EML6: variants seen among roughly 807,000 people sequenced by gnomAD.
EML6 encodes echinoderm microtubule-associated protein-like 6.
A neutral mutation model predicts 240.1 loss-of-function variants in EML6; 154 were observed. That is an observed-to-expected ratio of 0.64 (90% CI 0.56 to 0.73). The LOEUF (loss-of-function observed/expected upper bound fraction) is 0.73. Among genes scored for constraint, EML6 ranks in the 30% least tolerant of loss-of-function variants. The pLI, the probability that EML6 is intolerant of heterozygous loss-of-function variation, is 0.00. For synonymous variants in EML6, 1,148 were observed against 899.0 expected (o/e 1.28, Z -4.95); for missense variants, 2,964 against 2,474.6 (o/e 1.20, Z -4.20).
chr2:54,955,476 T>C (rs1315329620), intron 32 of EML6, among the ~76,000 whole-genome samples: 2 of 152,186 alleles, frequency 1.3e-5, no homozygotes, highest in Non-Finnish European at 2.9e-5. Flanking sequence ...GTCAGAAAGC[T>C]CTTGCGTAAA....
chr2:54,837,534 T>G (rs1669217744), intron 7 of EML6, among the ~76,000 whole-genome samples: 1 of 152,196 alleles, frequency 6.6e-6, no homozygotes, highest in Admixed American at 6.5e-5. Context: ...CTTGTTTATC[T>G]CAAAGTCGAC....
chr2:54,905,529 A>G (rs916542280), intron 24 of EML6, among the ~76,000 whole-genome samples: 2 of 152,190 alleles, frequency 1.3e-5, no homozygotes, highest in Admixed American at 1.3e-4. Context: ...ATTATTTTGA[A>G]TTGTGAAGTA....
At chr2:54,963,741 A>C (rs1676627954) in intron 36 of EML6, among the ~76,000 whole-genome samples, 1 of 152,216 alleles carries the variant, frequency 6.6e-6, no homozygotes. Context: ...AGTGGGTGCT[A>C]CCTAATCATT....
chr2:54,851,227 G>C (rs1670067740), intron 10 of EML6, among the ~76,000 whole-genome samples: 1 of 152,080 alleles, frequency 6.6e-6, no homozygotes, highest in South Asian at 2.1e-4. Flanking sequence ...TGGCCAACAT[G>C]GTGAAGTCCC....
At chr2:54,817,033 T>C in intron 4 of EML6, 148 bp downstream of exon 4, 1 of 588,834 alleles carries the variant, frequency 1.7e-6, no homozygotes, top group Admixed American at 2.8e-5. Flanking sequence ...TTTTTCATGA[T>C]TAATAGCTAA....
rs141494040 is a variant in EML6, at chr2:54,877,537, A to C, written c.2345-2010A>C. ...AAATCAAGTGCAGAGGCATGCCAAC[A>C]TAGAAACAACCAGACCATATCAAGA... On this transcript the variant is annotated intron_variant, in intron 16 of 41. Coordinates refer to ENST00000356458, the MANE Select transcript of EML6 (RefSeq NM_001039753.4). Among the ~76,000 whole-genome samples, 780 of 152,346 alleles carry C rather than the reference A, an allele frequency of 5.1e-3. 3 individuals are homozygous for C. The highest frequency in any genetic ancestry group is 7.6e-3 in the Non-Finnish European group (519 of 68,030).
chr2:54,793,209 G>T (rs1381746953), intron 2 of EML6, among the ~76,000 whole-genome samples: 1 of 152,180 alleles, frequency 6.6e-6, no homozygotes, highest in South Asian at 2.1e-4. Flanking sequence ...AGAGGCTGCA[G>T]TGAGCCAAAT....
At chr2:54,754,572 AT>A (rs1684318989) in intron 2 of EML6, among the ~76,000 whole-genome samples, 1 of 152,176 alleles carries the variant, frequency 6.6e-6, no homozygotes, top group Non-Finnish European at 1.5e-5. Flanking sequence ...TTATTTATAT[AT>A]ACTGGATATG....
rs111630605 is a variant in EML6, at chr2:54,888,297, G to C, written c.2439-2757G>C. Reference sequence around the variant, plus strand: ...TCTTAATTTGGTCCCTGTTCCTTGGGCCAAGCACTAAGGTTCCACCCATGG... The same window carrying C: ...TCTTAATTTGGTCCCTGTTCCTTGGCCCAAGCACTAAGGTTCCACCCATGG... On this transcript the variant is annotated intron_variant, in intron 17 of 41. Transcript: ENST00000356458. Among the ~76,000 whole-genome samples, 153 of 152,202 alleles carry C rather than the reference G, an allele frequency of 1.0e-3. 1 individual carries two copies. Among genetic ancestry groups the C allele is most frequent in the African/African-American group, 3.5e-3 (147 of 41,514 alleles).
At chr2:54,891,210 A>T in intron 18 of EML6, 56 bp downstream of exon 18, 1 of 894,186 alleles carries the variant, frequency 1.1e-6, no homozygotes, top group Non-Finnish European at 1.7e-6. Flanking sequence ...CTAGCTGGAA[A>T]GAAAAACAAA....
At chr2:54,780,828 G>A (rs1259198263) in intron 2 of EML6, among the ~76,000 whole-genome samples, 3 of 152,200 alleles carry the variant, frequency 2.0e-5, no homozygotes, top group African/African-American at 7.2e-5. Flanking sequence ...TTTGAATTAT[G>A]TGACTGTGGA....
chr2:54,847,451 G>A lies in EML6; in HGVS notation c.1050-35G>A, dbSNP rs148629250. 6.2e-4 allele frequency: 958 copies of A among 1,543,432 alleles called. 2 individuals are homozygous for A. The highest frequency in any genetic ancestry group is 2.5e-3 in the Middle Eastern group (14 of 5,612). On this transcript the variant is annotated intron_variant, in intron 8 of 41. Coordinates refer to ENST00000356458, the MANE Select transcript of EML6 (RefSeq NM_001039753.4). ...GCTGGCCGATGACCATGGGAAGTTG[G>A]TTTTGTTTTGTTTTGACTTCGTTCT...
At chr2:54,871,465 G>A (rs1441939938) in intron 15 of EML6, 35 bp from the exon 16 acceptor site, 2 of 1,448,924 alleles carry the variant, frequency 1.4e-6, no homozygotes, top group Non-Finnish European at 9.5e-7. Flanking sequence ...AGTATAACGT[G>A]TTAGTAGTTA....
At chr2:54,836,173 C>A (rs1015409742) in intron 7 of EML6, among the ~76,000 whole-genome samples, 2 of 152,072 alleles carry the variant, frequency 1.3e-5, no homozygotes, top group African/African-American at 4.8e-5. Flanking sequence ...TCACTGTGTG[C>A]GCAAGTTCCG....
At chr2:54,953,139 C>T (rs1374995992) in intron 31 of EML6, among the ~76,000 whole-genome samples, 2 of 152,160 alleles carry the variant, frequency 1.3e-5, no homozygotes, top group Non-Finnish European at 2.9e-5. Flanking sequence ...GCAATTTTTA[C>T]AACTTCCTGC....
Position 54,744,961 on chromosome 2 carries a change from CA to C in EML6, c.197+19704del, listed in dbSNP as rs1171263875. Among the ~76,000 whole-genome samples, 144 of 91,690 alleles carry C rather than the reference CA, an allele frequency of 1.6e-3. 3 individuals carry two copies. The highest frequency in any genetic ancestry group is 7.2e-3 in the Middle Eastern group (1 of 138). The allele number at this position is 91,690 out of a possible 152,430, so 60.2% of individuals were successfully genotyped here. Reference sequence around the variant, plus strand: ...ACACACACACACACACACACACACACACCCTGCCATGCAGGCCTTCCCAGTG... The same window carrying C: ...ACACACACACACACACACACACACACCCCTGCCATGCAGGCCTTCCCAGTG... On this transcript the variant is annotated intron_variant, in intron 2 of 41. Coordinates refer to ENST00000356458, the MANE Select transcript of EML6 (RefSeq NM_001039753.4).
intron 2 of EML6, among the ~76,000 whole-genome samples, chr2:54,765,051 T>G (rs527505436): frequency 3.0e-4 from 45 of 147,558 alleles, no homozygotes; most frequent in African/African-American, 1.2e-3. Flanking sequence ...ACATTAGAAT[T>G]TTTTTTTCTT....
chr2:54,916,668 G>T, intron 25 of EML6, 91 bp from the exon 26 acceptor site: 1 of 1,067,186 alleles, frequency 9.4e-7, no homozygotes. Flanking sequence ...CGTTGGCAAA[G>T]TAATTTAGAA....
chr2:54,775,478 C>T (rs886253119), intron 2 of EML6, among the ~76,000 whole-genome samples: 3 of 152,198 alleles, frequency 2.0e-5, no homozygotes, highest in African/African-American at 7.2e-5. Flanking sequence ...TTTCTGTGCT[C>T]CTCCTAACCT....
Sources: gnomAD v4.1 joint callset for allele counts (sites outside exome capture counted in the v4.1 genomes callset) on GRCh38, gnomAD v4.1.1 for gene constraint, MANE v1.5 for transcripts, NCBI Gene and HGNC (gene_info 2026-07-23, HGNC 2026-07-21) for gene names.